The following KLHL29 variants were observed in gnomAD, a reference collection of about 807,000 sequenced individuals.
The protein encoded by KLHL29 is kelch-like protein 29.
A neutral mutation model predicts 80.4 loss-of-function variants in KLHL29; 21 were observed. The observed-to-expected ratio is 0.26, with a 90% confidence interval of 0.19 to 0.38. The LOEUF is 0.38. Among genes scored for constraint, KLHL29 ranks in the 10% least tolerant of loss-of-function variants. The pLI is 1.00. For synonymous variants in KLHL29, 511 were observed against 526.8 expected (o/e 0.97, Z 0.41); for missense variants, 867 against 1,223.9 (o/e 0.71, Z 4.35).
At chr2:23,583,019 G>A (rs536685545) in intron 3 of KLHL29, among the ~76,000 whole-genome samples, 10 of 152,268 alleles carry the variant, frequency 6.6e-5, no homozygotes, top group South Asian at 2.1e-4. Context: ...AGAAGGCCAC[G>A]TGAAGACGGA....
chr2:23,489,588 C>T (rs544913054), intron 2 of KLHL29, among the ~76,000 whole-genome samples: 1 of 152,200 alleles, frequency 6.6e-6, no homozygotes, highest in East Asian at 1.9e-4. Context: ...AATCTGTCCT[C>T]ATGAAAGCCT....
intron 3 of KLHL29, among the ~76,000 whole-genome samples, chr2:23,597,407 ATTTTTTTTTTTT>A (rs869224319): frequency 4.0e-5 from 1 of 24,716 alleles, no homozygotes; most frequent in African/African-American, 1.6e-4. Context: ...ATATATATAT[ATTTTTTTTTTTT>A]TTTTTTTTTT....
chr2:23,588,917 C>T (rs1248609067), intron 3 of KLHL29, among the ~76,000 whole-genome samples: 1 of 152,238 alleles, frequency 6.6e-6, no homozygotes, highest in Non-Finnish European at 1.5e-5. Flanking sequence ...CAGACACCAG[C>T]CGTACCCAAA....
At chr2:23,543,391 C>A (rs552030668) in intron 2 of KLHL29, among the ~76,000 whole-genome samples, 1 of 152,042 alleles carries the variant, frequency 6.6e-6, no homozygotes, top group Admixed American at 6.5e-5. Flanking sequence ...CCGGGATGTG[C>A]GGGAGGGTTA....
intron 3 of KLHL29, among the ~76,000 whole-genome samples, chr2:23,567,672 G>A (rs903755829): frequency 6.6e-6 from 1 of 152,218 alleles, no homozygotes; most frequent in Admixed American, 6.5e-5. Context: ...AGCCCCTCCT[G>A]TTGTGTGCTT....
intron 1 of KLHL29, among the ~76,000 whole-genome samples, chr2:23,446,208 T>TG (rs936664070): frequency 6.6e-6 from 1 of 151,890 alleles, no homozygotes; most frequent in Non-Finnish European, 1.5e-5. Flanking sequence ...TTTGGAGTTT[T>TG]TTTTTTTTTT....
At chr2:23,674,796 TC>T (rs887639507) in intron 5 of KLHL29, among the ~76,000 whole-genome samples, 14 of 140,910 alleles carry the variant, frequency 9.9e-5, no homozygotes, top group African/African-American at 3.7e-4. Context: ...GACACCCCAC[TC>T]CCTGGTAACA....
At chr2:23,555,056 A>G (rs1667248448) in intron 2 of KLHL29, among the ~76,000 whole-genome samples, 1 of 151,932 alleles carries the variant, frequency 6.6e-6, no homozygotes, top group Non-Finnish European at 1.5e-5. Flanking sequence ...CTCTTCCATC[A>G]AGGCAGGCCC....
rs114481624 is a variant in KLHL29, at chr2:23,682,224, C to T, written c.941-2175C>T. On this transcript the variant is annotated intron_variant, in intron 5 of 13. Transcript: ENST00000486442. This position sits in a 1 kb window ranked among gnomAD's most constrained non-coding sequence, Gnocchi z 4.1. ...CTTCTCACCTCTCCCTCGGAAAGAC[C>T]GTCACCATCAGCAGCACTGCACACT... Among the ~76,000 whole-genome samples the T allele has an allele frequency of 1.4e-3, 216 of 152,290 alleles. No homozygotes were observed. The highest frequency in any genetic ancestry group is 2.4e-3 in the Non-Finnish European group (165 of 68,028).
chr2:23,560,350 A>G (rs1038729715), intron 2 of KLHL29, among the ~76,000 whole-genome samples: 6 of 134,956 alleles, frequency 4.4e-5, no homozygotes, highest in Admixed American at 1.8e-4. Flanking sequence ...AGCTCACTGC[A>G]ACCTCTGCCT....
At chr2:23,633,642 A>T (rs929518437) in intron 3 of KLHL29, among the ~76,000 whole-genome samples, 1 of 152,050 alleles carries the variant, frequency 6.6e-6, no homozygotes, top group Non-Finnish European at 1.5e-5. Flanking sequence ...TGATTTGCTG[A>T]TGGTCTGGAG....
intron 5 of KLHL29, among the ~76,000 whole-genome samples, chr2:23,677,257 T>C (rs1464875395): frequency 6.6e-6 from 1 of 152,230 alleles, no homozygotes; most frequent in Non-Finnish European, 1.5e-5. Flanking sequence ...CAGATATCAC[T>C]GCTCAGTAAA....
intron 1 of KLHL29, among the ~76,000 whole-genome samples, chr2:23,420,217 A>T (rs1234623196): frequency 2.0e-5 from 3 of 151,988 alleles, no homozygotes; most frequent in Non-Finnish European, 4.4e-5. Context: ...ACAATCCCTC[A>T]GCCATTTCAG....
At chr2:23,546,779 G>T (rs995203744) in intron 2 of KLHL29, among the ~76,000 whole-genome samples, 1 of 152,230 alleles carries the variant, frequency 6.6e-6, no homozygotes, top group African/African-American at 2.4e-5. Flanking sequence ...GAATTTGGGG[G>T]ACACCAAGGC....
intron 1 of KLHL29, among the ~76,000 whole-genome samples, chr2:23,440,893 A>G (rs1663498051): frequency 6.6e-6 from 1 of 152,218 alleles, no homozygotes; most frequent in Admixed American, 6.5e-5. Context: ...ACTGTAAACT[A>G]GTTCAACCCT....
chr2:23,704,326 GCA>G (rs1319880767), intron 13 of KLHL29, among the ~76,000 whole-genome samples: 1 of 152,324 alleles, frequency 6.6e-6, no homozygotes, highest in African/African-American at 2.4e-5. Flanking sequence ...CTGGGCAAAA[GCA>G]CACACAAACC....
intron 1 of KLHL29, among the ~76,000 whole-genome samples, chr2:23,449,959 G>T (rs1663822857): frequency 6.6e-6 from 1 of 152,176 alleles, no homozygotes; most frequent in African/African-American, 2.4e-5. Flanking sequence ...CTGTGCTCAA[G>T]CCAGGGCTCC....
intron 2 of KLHL29, among the ~76,000 whole-genome samples, chr2:23,525,731 C>CG (rs1380623892): frequency 5.9e-5 from 4 of 68,132 alleles, no homozygotes; most frequent in Admixed American, 1.3e-4. Context: ...CCCCTGCCCC[C>CG]CCCCCCCACC....
chr2:23,536,918 A>ACACACTCT (rs143009876), intron 2 of KLHL29, among the ~76,000 whole-genome samples: 4,425 of 140,666 alleles, frequency 0.031, 88 homozygotes, highest in Non-Finnish European at 0.031. Flanking sequence ...ACACACACAC[A>ACACACTCT]CTCTCTCTCT....
Sources: allele counts gnomAD v4.1 joint callset (sites outside exome capture counted in the v4.1 genomes callset), GRCh38; gene constraint gnomAD v4.1.1; non-coding constraint Gnocchi (gnomAD v3.1); transcripts MANE v1.5; gene names NCBI Gene and HGNC (gene_info 2026-07-23, HGNC 2026-07-21).